Variants in TNFSF4 observed in about 807,000 individuals in gnomAD.
TNFSF4 encodes tumor necrosis factor ligand superfamily member 4.
In TNFSF4, 4 loss-of-function variants were observed where a neutral mutation model predicts 7.3. The observed-to-expected ratio is 0.55, with a 90% CI of 0.27 to 1.25. TNFSF4 has a LOEUF of 1.25. TNFSF4 is among the 50% of genes most tolerant of loss of function. The probability of loss-of-function intolerance (pLI) is 0.12; values close to 1 mark genes in which losing one functional copy is unlikely to be tolerated. For missense variants in TNFSF4, 181 were observed against 208.8 expected (o/e 0.87, Z 0.82); for synonymous variants, 76 against 83.7 (o/e 0.91, Z 0.50).
the TNFSF4 span, among the ~76,000 whole-genome samples, chr1:173,356,426 A>G: frequency 1.3e-5 from 2 of 152,246 alleles, no homozygotes; most frequent in African/African-American, 4.8e-5. Flanking sequence ...GAATCTGATA[A>G]GAGACAGTTA....
chr1:173,429,362 C>T, the TNFSF4 span, among the ~76,000 whole-genome samples: 5 of 152,150 alleles, frequency 3.3e-5, no homozygotes, highest in Non-Finnish European at 7.3e-5. Flanking sequence ...TGCTCCCGAC[C>T]CAAACAGAAA....
the TNFSF4 span, among the ~76,000 whole-genome samples, chr1:173,239,314 G>A: frequency 6.6e-6 from 1 of 152,126 alleles, no homozygotes; most frequent in African/African-American, 2.4e-5. Flanking sequence ...AATAAGCCAT[G>A]GTGGGAGGAC....
the TNFSF4 span, among the ~76,000 whole-genome samples, chr1:173,411,946 C>T: frequency 1.3e-5 from 2 of 151,860 alleles, no homozygotes; most frequent in Non-Finnish European, 2.9e-5. Context: ...GGTGAAACCC[C>T]GTCTCTACTA....
the TNFSF4 span, among the ~76,000 whole-genome samples, chr1:173,350,088 T>A: frequency 1.2e-4 from 18 of 151,478 alleles, no homozygotes; most frequent in African/African-American, 4.1e-4. Flanking sequence ...ATCAGACCCA[T>A]CACACTATAA....
chr1:173,425,598 A>G, the TNFSF4 span, among the ~76,000 whole-genome samples: 1 of 152,268 alleles, frequency 6.6e-6, no homozygotes, highest in African/African-American at 2.4e-5. Context: ...AGCAAAGTCA[A>G]TGAATCTGTT....
At chr1:173,297,044 T>C in the TNFSF4 span, among the ~76,000 whole-genome samples, 1 of 152,060 alleles carries the variant, frequency 6.6e-6, no homozygotes, top group Non-Finnish European at 1.5e-5. Context: ...ACACTGACAG[T>C]TCTGGGTTCC....
the TNFSF4 span, among the ~76,000 whole-genome samples, chr1:173,350,916 G>A: frequency 6.6e-6 from 1 of 152,220 alleles, no homozygotes; most frequent in Non-Finnish European, 1.5e-5. Flanking sequence ...GAGAGAAGAT[G>A]AGGGTATGGA....
At chr1:173,405,047 ATTTACTTATGT>A in the TNFSF4 span, among the ~76,000 whole-genome samples, 1 of 152,140 alleles carries the variant, frequency 6.6e-6, no homozygotes, top group South Asian at 2.1e-4. Context: ...GCTATATATA[ATTTACTTATGT>A]TCATTGTCTA....
At chr1:173,277,054 T>A in the TNFSF4 span, among the ~76,000 whole-genome samples, 1 of 152,118 alleles carries the variant, frequency 6.6e-6, no homozygotes, top group Non-Finnish European at 1.5e-5. Flanking sequence ...GTTCCAGGTG[T>A]CTGTAAGGCC....
the TNFSF4 span, among the ~76,000 whole-genome samples, chr1:173,284,097 C>T: frequency 6.6e-6 from 1 of 152,086 alleles, no homozygotes; most frequent in Admixed American, 6.6e-5. Context: ...TAATCTGGAG[C>T]AAGATTTTAA....
At chr1:173,203,520 AT>A (rs1006482908) in intron 1 of TNFSF4, among the ~76,000 whole-genome samples, 1 of 152,156 alleles carries the variant, frequency 6.6e-6, no homozygotes, top group Non-Finnish European at 1.5e-5. Flanking sequence ...CTGAAACAAT[AT>A]TTTTTTCAGG....
the TNFSF4 span, among the ~76,000 whole-genome samples, chr1:173,278,065 A>G: frequency 6.6e-6 from 1 of 152,140 alleles, no homozygotes; most frequent in Non-Finnish European, 1.5e-5. Flanking sequence ...TAAGAAGAAC[A>G]GTATCCAAAT....
At chr1:173,363,661 T>C in the TNFSF4 span, 6 of 347,962 alleles carry the variant, frequency 1.7e-5, no homozygotes, top group Non-Finnish European at 3.4e-5. Context: ...TGAAGAATGC[T>C]GAACAGGCTT....
chr1:173,406,666 G>A, the TNFSF4 span, among the ~76,000 whole-genome samples: 64 of 152,194 alleles, frequency 4.2e-4, no homozygotes, highest in Middle Eastern at 3.4e-3. Context: ...AAACATTGTC[G>A]TGGACCCTAA....
At chr1:173,357,636 A>G in the TNFSF4 span, among the ~76,000 whole-genome samples, 1 of 151,980 alleles carries the variant, frequency 6.6e-6, no homozygotes, top group Non-Finnish European at 1.5e-5. Flanking sequence ...GGTTCAAGCG[A>G]TTCTCCTGCC....
At chr1:173,367,131 T>C in the TNFSF4 span, among the ~76,000 whole-genome samples, 6 of 152,240 alleles carry the variant, frequency 3.9e-5, no homozygotes, top group African/African-American at 1.2e-4. Flanking sequence ...GTGTTAACAA[T>C]GGGCATTTCT....
chr1:173,450,105 C>T, the TNFSF4 span, among the ~76,000 whole-genome samples: 1 of 152,052 alleles, frequency 6.6e-6, no homozygotes, highest in Non-Finnish European at 1.5e-5. Context: ...TCACTATTAA[C>T]CCCACAGACC....
chr1:173,346,405 T>C, the TNFSF4 span, among the ~76,000 whole-genome samples: 1 of 152,004 alleles, frequency 6.6e-6, no homozygotes, highest in Non-Finnish European at 1.5e-5. Flanking sequence ...CCCACTCCCA[T>C]AAAGGAGAGG....
At chr1:173,384,940 T>C in the TNFSF4 span, among the ~76,000 whole-genome samples, 1 of 152,218 alleles carries the variant, frequency 6.6e-6, no homozygotes. Flanking sequence ...AGTTCAAATA[T>C]GGTTTTAGTG....
Sources: gnomAD v4.1 joint callset for allele counts (sites outside exome capture counted in the v4.1 genomes callset) on GRCh38, gnomAD v4.1.1 for gene constraint, MANE v1.5 for transcripts, NCBI Gene and HGNC (gene_info 2026-07-23, HGNC 2026-07-21) for gene names.